Variants in ABCA13 observed in about 807,000 individuals in gnomAD.
ABCA13 encodes ATP-binding cassette sub-family A member 13.
A neutral mutation model predicts 478.7 loss-of-function variants in ABCA13; 476 were observed. The ratio of observed to expected loss-of-function variants is 0.99; its 90% CI spans 0.92 to 1.07. ABCA13 has a LOEUF of 1.07. Among genes scored for constraint, ABCA13 ranks in the 50% least tolerant of loss-of-function variants. The pLI is 0.00. For missense variants in ABCA13, 6,060 were observed against 5,910.6 expected (o/e 1.03, Z -0.83); for synonymous variants, 2,252 against 2,158.9 (o/e 1.04, Z -1.20).
Position 48,245,531 on chromosome 7 carries a change from G to A in ABCA13, c.1410G>A (p.Glu470=). The A allele has an allele frequency of 6.2e-7, 1 of 1,612,002 alleles. No individual in the cohort carries two copies. The part of the protein sequence containing the change: ...HFVQEVLICL[E]TSANDFKWFE... Reference sequence around the variant, plus strand: ...TTGCAGAAGTCCTCATTTGCCTGGAGACATCAGCTAATGATTTTAAATGGT... The same window carrying A: ...TTGCAGAAGTCCTCATTTGCCTGGAAACATCAGCTAATGATTTTAAATGGT... The change falls in exon 12 of 62, where the codon GAG becomes GAA. Residue 470 remains glutamate, a synonymous_variant. Transcript: ENST00000435803.
chr7:48,562,062 C>T (rs1176304804), intron 55 of ABCA13, among the ~76,000 whole-genome samples: 1 of 150,918 alleles, frequency 6.6e-6, no homozygotes, highest in African/African-American at 2.5e-5. Context: ...GGAAAGCTTC[C>T]TTCCTCTGTG....
chr7:48,350,847 G>T (rs375994700), intron 30 of ABCA13, 28 bp downstream of exon 30: 12 of 1,592,696 alleles, frequency 7.5e-6, no homozygotes, highest in Non-Finnish European at 9.4e-6. Context: ...AAATATGTTC[G>T]CCAAGATGCC....
rs1282991832 is a variant in ABCA13, at chr7:48,269,068, C to G, written c.2094C>G (p.Leu698=). The G allele has an allele frequency of 3.8e-6, 6 of 1,583,062 alleles. No homozygotes were observed. The highest frequency in any genetic ancestry group is 5.2e-6 in the Non-Finnish European group (6 of 1,153,460). Residue 698 remains leucine, a synonymous_variant, in exon 16 of 62, where the codon CTC becomes CTG. Coordinates refer to ENST00000435803, the MANE Select transcript of ABCA13 (RefSeq NM_152701.5). Reference sequence around the variant, plus strand: ...ATTTTCAATTTTTGAATAACTTACTCAAGTCTCCAACAGCTTCCATATCCA... The same window carrying G: ...ATTTTCAATTTTTGAATAACTTACTGAAGTCTCCAACAGCTTCCATATCCA... The part of the protein sequence containing the change: ...DNYFQFLNNL[L]KSPTASISRA...
intron 55 of ABCA13, among the ~76,000 whole-genome samples, chr7:48,568,935 A>G (rs1787338772): frequency 6.6e-6 from 1 of 151,932 alleles, no homozygotes; most frequent in Non-Finnish European, 1.5e-5. Flanking sequence ...TATTTAGACT[A>G]TTAAAAAATT....
Position 48,279,469 on chromosome 7 carries a change from A to G in ABCA13, c.8275A>G (p.Asn2759Asp). ...AAAGAAAGATAATTGGAATGTTTCT[A>G]ATGTGTTGATGACATTTACTCAGCA... ...NLKKDNWNVS[N>D]VLMTFTQHPN... is the part of the protein sequence containing the mutation. The change falls in exon 18 of 62, where the codon AAT becomes GAT. Residue 2759 changes from asparagine (N) to aspartate (D), a missense_variant. Transcript: ENST00000435803. 2 of 1,611,216 alleles carry G rather than the reference A, an allele frequency of 1.2e-6. No homozygotes were observed. Among genetic ancestry groups the G allele is most frequent in the African/African-American group, 1.3e-5 (1 of 75,032 alleles).
chr7:48,567,069 G>A (rs528727050), intron 55 of ABCA13, among the ~76,000 whole-genome samples: 3 of 152,142 alleles, frequency 2.0e-5, no homozygotes, highest in Middle Eastern at 3.4e-3. Flanking sequence ...TTAATTGTAC[G>A]GCACACAGAA....
At chr7:48,361,313 A>G (rs1206190226) in intron 31 of ABCA13, among the ~76,000 whole-genome samples, 1 of 151,676 alleles carries the variant, frequency 6.6e-6, no homozygotes, top group East Asian at 1.9e-4. Context: ...ATTAAAGTCA[A>G]AAAATGAAAC....
intron 1 of ABCA13, among the ~76,000 whole-genome samples, 158 bp from the exon 2 acceptor site, chr7:48,192,801 G>A (rs1057346650): frequency 3.9e-5 from 6 of 152,056 alleles, no homozygotes; most frequent in Non-Finnish European, 8.8e-5. Flanking sequence ...AGATCTGGAC[G>A]CAATGATAAA....
In ABCA13 at chr7:48,427,810, T is replaced by G. The variant is rs1442036207; in HGVS notation, c.12504T>G (p.Ile4168Met). 1.2e-6 allele frequency: 2 copies of G among 1,613,600 alleles called. No individual in the cohort carries two copies. The highest frequency in any genetic ancestry group is 1.7e-6 in the Non-Finnish European group (2 of 1,179,758). Residue 4168 changes from isoleucine to methionine, a missense_variant, in exon 42 of 62, where the codon ATT (isoleucine) becomes ATG (methionine). Ile to Met is a conservative substitution (Grantham distance 10). Around this residue, in one of 3 missense-constraint regions of ABCA13, gnomAD observed 1,627 missense variants for 1,571.0 expected, o/e 1.04. Coordinates refer to ENST00000435803, the MANE Select transcript of ABCA13 (RefSeq NM_152701.5). ...LLQDSNKKSH[I>M]ALGTESELQN... ...AAGATTCCAACAAGAAATCTCACAT[T>G]GCCCTGGGGACTGAGTCAGAGCTGC...
intron 19 of ABCA13, among the ~76,000 whole-genome samples, chr7:48,282,439 C>T (rs1334882431): frequency 6.6e-6 from 1 of 152,146 alleles, no homozygotes; most frequent in Non-Finnish European, 1.5e-5. Context: ...CCTGTCTTAG[C>T]TGATGGCAGT....
Position 48,338,425 on chromosome 7 carries a change from G to T in ABCA13, c.10174G>T (p.Asp3392Tyr), listed in dbSNP as rs753334459. ...AGAAAACCAGTTGCACATTGATGTA[G>T]ACAAACTTACTGAAAAACTCCAGAC... is the stretch of plus-strand genomic sequence containing the variant. ...FVENQLHIDVDKLTEKLQTYG... is the reference protein window; with the variant it reads ...FVENQLHIDVYKLTEKLQTYG... The change falls in exon 29 of 62, where the codon GAC (aspartate) becomes TAC (tyrosine). Residue 3392 changes from aspartate (D) to tyrosine (Y), a missense_variant. By Grantham distance (160) the Asp-to-Tyr change is radical. Around this residue, in one of 3 missense-constraint regions of ABCA13, gnomAD observed 4,423 missense variants for 4,309.1 expected, o/e 1.03. Transcript: ENST00000435803. 3.7e-6 allele frequency: 6 copies of T among 1,600,806 alleles called. No individual in the cohort carries two copies. In the East Asian group the frequency reaches 1.4e-4, roughly 36 times the overall value.
chr7:48,276,573 T>C lies in ABCA13; in HGVS notation c.6899+8T>C. 1 of 1,608,070 alleles carries C rather than the reference T, an allele frequency of 6.2e-7. No homozygotes were observed. The highest frequency in any genetic ancestry group is 2.2e-5 in the East Asian group (1 of 44,744). On this transcript the variant is annotated splice_region_variant and intron_variant, in intron 17 of 61. Coordinates refer to ENST00000435803, the MANE Select transcript of ABCA13 (RefSeq NM_152701.5). ...TGTTATTGCAGAGATGAGGTGAGTA[T>C]ACTTTTGCTTTGTGTCATATATGCA...
chr7:48,363,345 T>C (rs563489167), intron 31 of ABCA13, among the ~76,000 whole-genome samples: 2 of 152,298 alleles, frequency 1.3e-5, no homozygotes, highest in South Asian at 4.1e-4. Flanking sequence ...TTTCTCCCTT[T>C]TATATAACTT....
At chr7:48,408,829 A>T (rs1585193537) in intron 39 of ABCA13, among the ~76,000 whole-genome samples, 1 of 151,832 alleles carries the variant, frequency 6.6e-6, no homozygotes, top group East Asian at 1.9e-4. Context: ...ATTTTTCCTG[A>T]TCCTCTCCCT....
rs569412243 is a variant in ABCA13, at chr7:48,243,325, A to G, written c.1263-1251A>G. Among the ~76,000 whole-genome samples, 3 of 152,314 alleles carry G rather than the reference A, an allele frequency of 2.0e-5. No individual in the cohort carries two copies. The East Asian group carries it at 5.8e-4, about 29-fold the overall frequency. On this transcript the variant is annotated intron_variant, in intron 10 of 61. Coordinates refer to ENST00000435803, the MANE Select transcript of ABCA13 (RefSeq NM_152701.5). ...TAAAATAATCTCTTTCTCACTTTCT[A>G]GCTCTTTCCAAGTGCCACTCTGCTT...
At chr7:48,556,303 G>T (rs550999744) in intron 55 of ABCA13, among the ~76,000 whole-genome samples, 3 of 151,852 alleles carry the variant, frequency 2.0e-5, no homozygotes, top group Admixed American at 1.3e-4. Flanking sequence ...AGGTTCTGCA[G>T]TATCTGTTAG....
At position 48,201,371 on chromosome 7, in the gene ABCA13, C is replaced by G. The variant is rs958864544; in HGVS notation, c.287+3011C>G. On this transcript the variant is annotated intron_variant, in intron 3 of 61. Transcript: ENST00000435803. ...CCTGTGGAATGCTGCGGAGCTGTTA[C>G]GCTCTCGGGCATAAAGACAGGAAGG... 2.0e-5 allele frequency among the ~76,000 whole-genome samples: 3 copies of G among 152,172 alleles called. No homozygotes were observed. The East Asian group carries it at 5.8e-4, about 29-fold the overall frequency.
At chr7:48,323,136 G>A (rs139650682) in intron 27 of ABCA13, among the ~76,000 whole-genome samples, 6 of 152,286 alleles carry the variant, frequency 3.9e-5, no homozygotes, top group Non-Finnish European at 5.9e-5. Context: ...GCGATTATCA[G>A]TGGAGCTCTT....
At chr7:48,612,419 A>C (rs1792116868) in intron 58 of ABCA13, among the ~76,000 whole-genome samples, 1 of 152,212 alleles carries the variant, frequency 6.6e-6, no homozygotes, top group Non-Finnish European at 1.5e-5. Flanking sequence ...TGGTAAAATA[A>C]GTAAAGAAAA....
Sources: gnomAD v4.1 joint callset for allele counts (sites outside exome capture counted in the v4.1 genomes callset) on GRCh38, gnomAD v4.1.1 for gene constraint, gnomAD v4.1.1 regional missense constraint, MANE v1.5 for transcripts, NCBI Gene and HGNC (gene_info 2026-07-23, HGNC 2026-07-21) for gene names.